ADAM32: variants seen among roughly 807,000 people sequenced by gnomAD.
The protein encoded by ADAM32 is ADAM metallopeptidase domain 32.
ADAM32 carries 89 observed loss-of-function variants against 114.9 expected under a neutral mutation model. That is an observed-to-expected ratio of 0.77 (90% CI 0.65 to 0.92). The LOEUF is 0.92. ADAM32 is among the 40% of genes least tolerant of loss of function. The probability of loss-of-function intolerance (pLI) is 0.00; values close to 1 mark genes in which losing one functional copy is unlikely to be tolerated. For synonymous variants in ADAM32, 285 were observed against 307.5 expected (o/e 0.93, Z 0.77); for missense variants, 870 against 932.8 (o/e 0.93, Z 0.88).
intron 24 of ADAM32, 123 bp downstream of exon 24, chr8:39,283,747 T>C: frequency 1.8e-6 from 1 of 551,190 alleles, no homozygotes; most frequent in Non-Finnish European, 3.0e-6. Flanking sequence ...ACTGCACCAA[T>C]AAATAACCTA....
chr8:39,189,940 G>A lies in ADAM32; in HGVS notation c.1052+2895G>A, dbSNP rs186110082. ...CGCCATTCTCCTGCCTCAGCCTCCC[G>A]AGCAGCTGGAACTATAGGCGCCAGC... On this transcript the variant is annotated intron_variant, in intron 11 of 24. Transcript: ENST00000379907. Among the ~76,000 whole-genome samples the A allele has an allele frequency of 4.3e-3, 654 of 152,136 alleles. 3 individuals are homozygous for A. The highest frequency in any genetic ancestry group is 0.015 in the African/African-American group (618 of 41,502).
chr8:39,216,253 C>G (rs1409230653), intron 12 of ADAM32, among the ~76,000 whole-genome samples: 13 of 151,846 alleles, frequency 8.6e-5, no homozygotes, highest in Admixed American at 8.5e-4. Flanking sequence ...GCAAAGGATC[C>G]CTTTCCATCC....
intron 17 of ADAM32, among the ~76,000 whole-genome samples, chr8:39,246,841 G>A (rs1341473512): frequency 6.6e-6 from 1 of 152,082 alleles, no homozygotes; most frequent in African/African-American, 2.4e-5. Context: ...AAAATTCTCT[G>A]TGCTCCATCA....
intron 1 of ADAM32, among the ~76,000 whole-genome samples, chr8:39,117,779 A>G (rs560865398): frequency 1.3e-5 from 2 of 152,100 alleles, no homozygotes; most frequent in African/African-American, 4.8e-5. Context: ...TTTCTAGTCT[A>G]TTGTTTTGAA....
At position 39,223,161 on chromosome 8, in the gene ADAM32, G is replaced by A. The variant is rs1404474326; in HGVS notation, c.1448G>A (p.Cys483Tyr). ...PDITLINGLS[C>Y]KNNKFICYDG... The stretch of plus-strand genomic sequence containing the variant: ...ATAACTTTAATCAATGGACTTTCAT[G>A]CAAAAATAATAAGTTTATTTGTTAT... Residue 483 changes from cysteine (C) to tyrosine (Y), a missense_variant, in exon 14 of 25, where the codon TGC becomes TAC. Physicochemically the swap from Cys to Tyr is radical, Grantham distance 194. Transcript: ENST00000379907. The A allele has an allele frequency of 6.3e-7, 1 of 1,599,992 alleles. No individual in the cohort carries two copies. The highest frequency in any genetic ancestry group is 8.5e-7 in the Non-Finnish European group (1 of 1,173,456).
intron 1 of ADAM32, among the ~76,000 whole-genome samples, chr8:39,111,620 C>T (rs554253942): frequency 3.7e-4 from 56 of 150,594 alleles, no homozygotes; most frequent in African/African-American, 1.3e-3. Context: ...CCTGTAATCC[C>T]AGCTGAGGCA....
At chr8:39,112,435 T>C (rs1200613770) in intron 1 of ADAM32, among the ~76,000 whole-genome samples, 1 of 152,272 alleles carries the variant, frequency 6.6e-6, no homozygotes, top group East Asian at 1.9e-4. Context: ...CTGCATTTTG[T>C]TTTCCGTATT....
intron 11 of ADAM32, among the ~76,000 whole-genome samples, chr8:39,193,787 G>A (rs1235106882): frequency 6.6e-6 from 1 of 152,126 alleles, no homozygotes; most frequent in Admixed American, 6.5e-5. Flanking sequence ...CAGGATTCCT[G>A]GACTGCATGC....
intron 10 of ADAM32, among the ~76,000 whole-genome samples, chr8:39,186,339 T>G (rs1806242540): frequency 6.6e-6 from 1 of 152,222 alleles, no homozygotes; most frequent in South Asian, 2.1e-4. Context: ...CCCCATTTCT[T>G]TTTCGCAAGG....
chr8:39,142,081 A>G (rs922079112), intron 3 of ADAM32, among the ~76,000 whole-genome samples: 2 of 152,058 alleles, frequency 1.3e-5, no homozygotes, highest in Non-Finnish European at 2.9e-5. Flanking sequence ...TTTTGAGCCT[A>G]TGTGCATTTT....
intron 6 of ADAM32, chr8:39,158,816 GA>G (rs1270093770): frequency 6.6e-6 from 1 of 152,098 alleles, no homozygotes; most frequent in Non-Finnish European, 1.5e-5. Flanking sequence ...CTATGTTATT[GA>G]ATCCTAGTGA....
intron 19 of ADAM32, among the ~76,000 whole-genome samples, chr8:39,259,358 C>T (rs1410246593): frequency 6.6e-6 from 1 of 151,958 alleles, no homozygotes; most frequent in African/African-American, 2.4e-5. Flanking sequence ...CACCACCACG[C>T]CTGGCTAATT....
At chr8:39,153,460 T>G (rs1803966989) in intron 6 of ADAM32, among the ~76,000 whole-genome samples, 1 of 152,230 alleles carries the variant, frequency 6.6e-6, no homozygotes, top group Non-Finnish European at 1.5e-5. Flanking sequence ...CTTGTAACTC[T>G]TTTTTATGTG....
chr8:39,187,022 C>T lies in ADAM32; in HGVS notation c.1029C>T (p.Thr343=). 6.2e-7 allele frequency: 1 copy of T among 1,609,496 alleles called. No individual in the cohort carries two copies. Among genetic ancestry groups the T allele is most frequent in the Non-Finnish European group, 8.5e-7 (1 of 1,178,346 alleles). The change falls in exon 11 of 25, where the codon ACC becomes ACT. Residue 343 remains threonine (T), a synonymous_variant. Coordinates refer to ENST00000379907, the MANE Select transcript of ADAM32 (RefSeq NM_145004.7). ...DPKKCQCSES[T]CIMNPEVVQS... is the part of the protein sequence containing the mutation. ...AGAAATGTCAATGTTCAGAATCCAC[C>T]TGTATAATGAATCCAGAAGTTGTGT...
chr8:39,137,044 G>T (rs60084248), intron 3 of ADAM32, among the ~76,000 whole-genome samples: 1,798 of 152,314 alleles, frequency 0.012, 36 homozygotes, highest in African/African-American at 0.04. Context: ...ATCAGTTAGG[G>T]TTTTATCAGA....
chr8:39,152,372 A>G (rs949040027), intron 6 of ADAM32, among the ~76,000 whole-genome samples: 1 of 152,296 alleles, frequency 6.6e-6, no homozygotes, highest in South Asian at 2.1e-4. Context: ...ATACAAGAGT[A>G]TGTGGCAGTA....
At chr8:39,234,921 A>G (rs138023774) in intron 16 of ADAM32, among the ~76,000 whole-genome samples, 2 of 152,246 alleles carry the variant, frequency 1.3e-5, no homozygotes, top group African/African-American at 4.8e-5. Context: ...ACCATTCAGG[A>G]GTTTGTCTGC....
intron 11 of ADAM32, among the ~76,000 whole-genome samples, chr8:39,199,614 CT>C (rs1414612457): frequency 1.3e-5 from 2 of 150,218 alleles, no homozygotes; most frequent in African/African-American, 4.9e-5. Context: ...TTCCTGATTT[CT>C]TTTTTTTTAA....
intron 14 of ADAM32, among the ~76,000 whole-genome samples, chr8:39,225,763 G>T (rs964723052): frequency 1.3e-5 from 2 of 148,800 alleles, no homozygotes; most frequent in East Asian, 2.0e-4. Flanking sequence ...CCTTCTAACA[G>T]CCTTTTTCCC....
Sources: gnomAD v4.1 joint callset for allele counts (sites outside exome capture counted in the v4.1 genomes callset) on GRCh38, gnomAD v4.1.1 for gene constraint, MANE v1.5 for transcripts, NCBI Gene and HGNC (gene_info 2026-07-23, HGNC 2026-07-21) for gene names.